The following USH2A variants were observed in gnomAD, a reference collection of about 807,000 sequenced individuals.
USH2A encodes the protein usherin.
A neutral mutation model predicts 538.9 loss-of-function variants in USH2A; 443 were observed. That is an observed-to-expected ratio of 0.82 (90% CI 0.76 to 0.89). The LOEUF (loss-of-function observed/expected upper bound fraction) is 0.89. USH2A is among the 40% of genes least tolerant of loss of function. USH2A has a pLI of 0.00. For missense variants in USH2A, 6,633 were observed against 6,324.8 expected (o/e 1.05, Z -1.65); for synonymous variants, 2,413 against 2,273.5 (o/e 1.06, Z -1.75).
intron 20 of USH2A, among the ~76,000 whole-genome samples, chr1:216,175,925 C>T (rs1234777019): frequency 2.0e-5 from 3 of 152,076 alleles, no homozygotes; most frequent in African/African-American, 7.2e-5. Context: ...TAAGAGCTGC[C>T]TCACCCAGGA....
intron 11 of USH2A, among the ~76,000 whole-genome samples, chr1:216,281,865 G>GTTTTTTTTTTTTTTTTTTT (rs766030449): frequency 2.1e-5 from 2 of 96,474 alleles, no homozygotes; most frequent in African/African-American, 4.0e-5. Flanking sequence ...GTTTTTGTCT[G>GTTTTTTTTTTTTTTTTTTT]TTTTTTTTTT....
chr1:216,155,906 A>C (rs1410068329), intron 21 of USH2A, among the ~76,000 whole-genome samples: 1 of 152,192 alleles, frequency 6.6e-6, no homozygotes, highest in East Asian at 1.9e-4. Flanking sequence ...TTATTAGATG[A>C]TTAAATAAAA....
At chr1:216,340,483 T>C (rs1269399544) in intron 4 of USH2A, among the ~76,000 whole-genome samples, 4 of 148,832 alleles carry the variant, frequency 2.7e-5, no homozygotes, top group Non-Finnish European at 4.4e-5. Context: ...CCTCCCTAAC[T>C]CATTTTATGA....
chr1:216,093,015 G>C (rs1230211467), intron 22 of USH2A, among the ~76,000 whole-genome samples: 1 of 151,976 alleles, frequency 6.6e-6, no homozygotes, highest in Admixed American at 6.6e-5. Flanking sequence ...ACCCAGGTTG[G>C]AGTGCAGTGG....
At position 215,962,757 on chromosome 1, in the gene USH2A, C is replaced by A. The variant is rs192740323; in HGVS notation, c.7120+2560G>T. 3.1e-4 allele frequency among the ~76,000 whole-genome samples: 45 copies of A among 147,248 alleles called. No individual in the cohort carries two copies. The East Asian group carries it at 6.8e-3, about 22-fold the overall frequency. ...CTGAGACTGCAGAACAGGCTTGGTACTTTACTTCCTTTTTTTCTATCTTTT... is the reference window on the plus strand; with the variant it reads ...CTGAGACTGCAGAACAGGCTTGGTAATTTACTTCCTTTTTTTCTATCTTTT... On this transcript the variant is annotated intron_variant, in intron 37 of 71. Coordinates refer to ENST00000307340, the MANE Select transcript of USH2A (RefSeq NM_206933.4).
At chr1:215,664,452 A>C (rs1345677178) in intron 64 of USH2A, among the ~76,000 whole-genome samples, 1 of 152,196 alleles carries the variant, frequency 6.6e-6, no homozygotes, top group Non-Finnish European at 1.5e-5. Context: ...GCTAAATACC[A>C]TTAGAAAATT....
chr1:215,712,558 T>TC (rs1464505081), intron 61 of USH2A, among the ~76,000 whole-genome samples: 1 of 152,192 alleles, frequency 6.6e-6, no homozygotes, highest in African/African-American at 2.4e-5. Flanking sequence ...AGTAACTTTT[T>TC]CAATGAGTTT....
At chr1:216,413,163 A>G (rs886504812) in intron 3 of USH2A, among the ~76,000 whole-genome samples, 4 of 152,018 alleles carry the variant, frequency 2.6e-5, no homozygotes, top group Non-Finnish European at 5.9e-5. Context: ...GCACAAAGAA[A>G]CATTTAGCAC....
chr1:216,023,235 AG>A (rs1221223778), intron 32 of USH2A, among the ~76,000 whole-genome samples: 4 of 151,982 alleles, frequency 2.6e-5, no homozygotes, highest in African/African-American at 7.2e-5. Flanking sequence ...ATCCACTTCA[AG>A]GTACAATCAA....
At chr1:216,198,064 T>C (rs2034891089) in intron 18 of USH2A, among the ~76,000 whole-genome samples, 1 of 152,146 alleles carries the variant, frequency 6.6e-6, no homozygotes, top group African/African-American at 2.4e-5. Flanking sequence ...ACTATAACTA[T>C]AGTTAAGCCA....
chr1:216,298,247 A>G (rs2037143672), intron 9 of USH2A, among the ~76,000 whole-genome samples: 1 of 152,216 alleles, frequency 6.6e-6, no homozygotes, highest in African/African-American at 2.4e-5. Flanking sequence ...TGTCTTTTAC[A>G]AAACAACTGC....
At position 216,145,657 on chromosome 1, in the gene USH2A, C is replaced by T. The variant is rs371435928; in HGVS notation, c.4627+29595G>A. Among the ~76,000 whole-genome samples the T allele has an allele frequency of 6.8e-3, 1,030 of 152,282 alleles. 8 individuals are homozygous for T. Among genetic ancestry groups the T allele is most frequent in the South Asian group, 0.024 (117 of 4,826 alleles). ...GCATCCCCTGTGACCTGCACGTATA[C>T]GCCCAGATGGCCTGAAGTAACTAAA... On this transcript the variant is annotated intron_variant, in intron 21 of 71. Transcript: ENST00000307340.
At chr1:216,088,868 C>T in intron 23 of USH2A, 145 bp downstream of exon 23, 2 of 1,239,488 alleles carry the variant, frequency 1.6e-6, no homozygotes, top group East Asian at 4.8e-5. Context: ...CTTTTAGGAG[C>T]ATCCCAAAGG....
At position 215,878,865 on chromosome 1, in the gene USH2A, G is replaced by A. The variant is rs369778429; in HGVS notation, c.8457C>T (p.Thr2819=). The part of the protein sequence containing the change: ...SLPTYVTTHP[T]VPQNVGPLSV... ...ACAATGGGCCAACATTCTGAGGTAC[G>A]GTGGGGTGAGTGGTAACATAGGTAG... The change falls in exon 42 of 72, where the codon ACC becomes ACT. Residue 2819 remains threonine (T), a synonymous_variant. Coordinates refer to ENST00000307340, the MANE Select transcript of USH2A (RefSeq NM_206933.4). The A allele has an allele frequency of 2.3e-5, 37 of 1,613,912 alleles. No homozygotes were observed. In the African/African-American group the frequency reaches 2.8e-4, roughly 12 times the overall value.
chr1:215,782,019 G>C (rs773224140), intron 54 of USH2A, 23 bp downstream of exon 54: 24 of 1,613,462 alleles, frequency 1.5e-5, no homozygotes, highest in Non-Finnish European at 1.9e-5. Flanking sequence ...CCTTTTCCCA[G>C]AGTTTAGGCA....
At chr1:215,668,016 G>T (rs1451371721) in intron 64 of USH2A, among the ~76,000 whole-genome samples, 1 of 152,164 alleles carries the variant, frequency 6.6e-6, no homozygotes, top group East Asian at 1.9e-4. Flanking sequence ...ACGATCTTCT[G>T]ATTAATCCTT....
chr1:216,053,752 G>T (rs1266779086), intron 30 of USH2A, among the ~76,000 whole-genome samples: 1 of 152,172 alleles, frequency 6.6e-6, no homozygotes, highest in African/African-American at 2.4e-5. Flanking sequence ...AAGCGATAAT[G>T]CATTTTGCAT....
At chr1:216,394,468 T>C (rs1286411894) in intron 3 of USH2A, among the ~76,000 whole-genome samples, 1 of 152,110 alleles carries the variant, frequency 6.6e-6, no homozygotes, top group African/African-American at 2.4e-5. Context: ...TGCAACAGTA[T>C]ACATCCACAA....
intron 38 of USH2A, among the ~76,000 whole-genome samples, chr1:215,910,731 T>A (rs926894489): frequency 1.3e-5 from 2 of 151,872 alleles, no homozygotes; most frequent in African/African-American, 4.8e-5. Context: ...TATCACTAAG[T>A]CATTTAATGT....
Sources: allele counts gnomAD v4.1 joint callset (sites outside exome capture counted in the v4.1 genomes callset), GRCh38; gene constraint gnomAD v4.1.1; transcripts MANE v1.5; gene names NCBI Gene and HGNC (gene_info 2026-07-23, HGNC 2026-07-21).